PRKN: variants seen among roughly 807,000 people sequenced by gnomAD.
The protein encoded by PRKN is parkin RBR E3 ubiquitin protein ligase, also known as E3 ubiquitin-protein ligase parkin.
PRKN carries 56 observed loss-of-function variants against 59.5 expected under a neutral mutation model. The ratio of observed to expected loss-of-function variants is 0.94; its 90% CI spans 0.76 to 1.18. The LOEUF (loss-of-function observed/expected upper bound fraction) is 1.18. PRKN is among the 50% of genes most tolerant of loss of function. PRKN has a pLI of 0.00. For synonymous variants in PRKN, 250 were observed against 222.1 expected, an observed-to-expected ratio of 1.13 and a Z score of -1.12; for missense variants, 657 against 596.4, an observed-to-expected ratio of 1.10 and a Z score of -1.06.
chr6:161,865,032 T>C (rs1216963364), intron 6 of PRKN, among the ~76,000 whole-genome samples: 2 of 152,152 alleles, frequency 1.3e-5, no homozygotes, highest in African/African-American at 4.8e-5. Flanking sequence ...TTGCAATTCT[T>C]AGAAGTCAAA....
At position 161,547,876 on chromosome 6, in the gene PRKN, C is replaced by CACTT. The variant is rs1391605370; in HGVS notation, c.1083+974_1083+977dup. ...TGGTATCTCATTATTTTTCAACTTC[C>CACTT]ACTTCCTCTACTCCATTGCTCAACC... On this transcript the variant is annotated intron_variant, in intron 9 of 11. Coordinates refer to ENST00000366898, the MANE Select transcript of PRKN (RefSeq NM_004562.3). The surrounding 1 kb of genome is among the most constrained non-coding windows in gnomAD (Gnocchi z 4.0). 6.6e-6 allele frequency among the ~76,000 whole-genome samples: 1 copy of CACTT among 152,084 alleles called. No individual in the cohort carries two copies. Among genetic ancestry groups the CACTT allele is most frequent in the African/African-American group, 2.4e-5 (1 of 41,390 alleles).
At chr6:162,293,578 A>G (rs1781533482) in intron 2 of PRKN, among the ~76,000 whole-genome samples, 1 of 152,122 alleles carries the variant, frequency 6.6e-6, no homozygotes, top group African/African-American at 2.4e-5. Context: ...CCCCACCTCC[A>G]CTTTTTCGAG....
At chr6:161,925,006 G>A (rs1778914351) in intron 6 of PRKN, among the ~76,000 whole-genome samples, 1 of 152,138 alleles carries the variant, frequency 6.6e-6, no homozygotes, top group Admixed American at 6.5e-5. Context: ...CAAATGTTAA[G>A]ACTTGCTGGG....
chr6:161,605,167 A>G (rs564999188), intron 7 of PRKN, among the ~76,000 whole-genome samples: 1 of 152,318 alleles, frequency 6.6e-6, no homozygotes, highest in South Asian at 2.1e-4. Context: ...TAATTTTTCA[A>G]AGGATCTGTG....
chr6:162,251,643 ACTG>A (rs745495493), intron 3 of PRKN, among the ~76,000 whole-genome samples: 8 of 152,330 alleles, frequency 5.3e-5, no homozygotes, highest in Non-Finnish European at 8.8e-5. Context: ...ACAAGAAGAA[ACTG>A]CTATTAAATC....
intron 7 of PRKN, among the ~76,000 whole-genome samples, chr6:161,701,965 C>T (rs907016832): frequency 9.2e-5 from 14 of 152,166 alleles, no homozygotes; most frequent in African/African-American, 2.9e-4. Context: ...GGGCCAGCCA[C>T]GGAAGTAGTG....
rs887892386 is a variant in PRKN, at chr6:161,467,906, CT to C, written c.1083+80947del. Among the ~76,000 whole-genome samples, 11 of 149,376 alleles carry C rather than the reference CT, an allele frequency of 7.4e-5. No individual in the cohort carries two copies. The highest frequency in any genetic ancestry group is 4.3e-4 in the South Asian group (2 of 4,678). On this transcript the variant is annotated intron_variant, in intron 9 of 11. Coordinates refer to ENST00000366898, the MANE Select transcript of PRKN (RefSeq NM_004562.3). The surrounding 1 kb of genome is among the most constrained non-coding windows in gnomAD (Gnocchi z 4.3). ...CTGTCCGTCAGTTGCATACTTCCAGCTTTTTTTTTTCATGTGAGAAAGAGTA... is the reference window on the plus strand; with the variant it reads ...CTGTCCGTCAGTTGCATACTTCCAGCTTTTTTTTTCATGTGAGAAAGAGTA...
intron 7 of PRKN, among the ~76,000 whole-genome samples, chr6:161,614,697 A>C (rs534254520): frequency 7.9e-5 from 12 of 152,260 alleles, no homozygotes; most frequent in Non-Finnish European, 1.5e-4. Context: ...CTAGTTTTAT[A>C]AAAACAAATC....
rs186843277 is a variant in PRKN, at chr6:161,777,729, A to G, written c.871+8043T>C. On this transcript the variant is annotated intron_variant, in intron 7 of 11. Transcript: ENST00000366898. ...TAAGAGATATTTTATATACATATAT[A>G]TCTATATATGTATATATAGATATAT... Among the ~76,000 whole-genome samples, 531 of 142,536 alleles carry G rather than the reference A, an allele frequency of 3.7e-3. 12 individuals carry two copies. Among genetic ancestry groups the G allele is most frequent in the Admixed American group, 0.036 (492 of 13,854 alleles). 93.5% of individuals were successfully genotyped at this position (142,536 alleles called of 152,430 possible).
chr6:162,463,508 T>C (rs1182978141), intron 1 of PRKN, among the ~76,000 whole-genome samples: 1 of 152,150 alleles, frequency 6.6e-6, no homozygotes, highest in Non-Finnish European at 1.5e-5. Context: ...CAGAAGTGCT[T>C]CCTGTCTGTC....
chr6:161,602,635 C>T (rs557354273), intron 7 of PRKN, among the ~76,000 whole-genome samples: 33 of 152,284 alleles, frequency 2.2e-4, no homozygotes, highest in Admixed American at 7.8e-4. Context: ...AATAATCAGC[C>T]ATCTCCAGCA....
In PRKN at chr6:161,743,449, C is replaced by T. The variant is rs537152810; in HGVS notation, c.871+42323G>A. Among the ~76,000 whole-genome samples the T allele has an allele frequency of 1.4e-4, 21 of 151,244 alleles. No individual in the cohort carries two copies. The East Asian group carries it at 1.8e-3, about 13-fold the overall frequency. On this transcript the variant is annotated intron_variant, in intron 7 of 11. Coordinates refer to ENST00000366898, the MANE Select transcript of PRKN (RefSeq NM_004562.3). ...TATTTTTAGTAGAGATGGGGTTTCA[C>T]CACGTTAGCCAGAATGGTCTCGATC...
intron 1 of PRKN, among the ~76,000 whole-genome samples, chr6:162,586,244 G>A (rs1004631441): frequency 3.3e-5 from 5 of 152,272 alleles, no homozygotes; most frequent in Admixed American, 2.6e-4. Context: ...ATAATGCAAC[G>A]TACCTCCTTC....
At chr6:162,100,174 A>G (rs1779908407) in intron 4 of PRKN, among the ~76,000 whole-genome samples, 1 of 152,146 alleles carries the variant, frequency 6.6e-6, no homozygotes, top group African/African-American at 2.4e-5. Context: ...TTATTCATTC[A>G]TCAGTCAATG....
intron 1 of PRKN, among the ~76,000 whole-genome samples, chr6:162,674,205 A>G (rs531659597): frequency 7.2e-5 from 11 of 152,340 alleles, no homozygotes; most frequent in Admixed American, 7.2e-4. Flanking sequence ...TTGAGACTAA[A>G]TATTTATTTT....
chr6:161,798,426 C>A (rs1246345128), intron 6 of PRKN, among the ~76,000 whole-genome samples: 7 of 152,166 alleles, frequency 4.6e-5, no homozygotes, highest in African/African-American at 1.7e-4. Context: ...CCTGTGACAT[C>A]AGCAGGTTAG....
At chr6:162,258,180 C>T (rs1779735044) in intron 3 of PRKN, among the ~76,000 whole-genome samples, 1 of 152,190 alleles carries the variant, frequency 6.6e-6, no homozygotes. Context: ...CTCTTTGTCC[C>T]CTTGACTCTG....
At chr6:162,167,144 T>C (rs1783025346) in intron 4 of PRKN, among the ~76,000 whole-genome samples, 1 of 152,194 alleles carries the variant, frequency 6.6e-6, no homozygotes, top group Non-Finnish European at 1.5e-5. Context: ...TAGAATTCCA[T>C]TTTCGCATTG....
intron 1 of PRKN, among the ~76,000 whole-genome samples, chr6:162,511,711 C>T (rs968683468): frequency 6.6e-6 from 1 of 152,186 alleles, no homozygotes; most frequent in Non-Finnish European, 1.5e-5. Context: ...TAAAGACCAC[C>T]ATCTCATTCT....
Sources: gnomAD v4.1 joint callset for allele counts (sites outside exome capture counted in the v4.1 genomes callset) on GRCh38, gnomAD v4.1.1 for gene constraint, Gnocchi (gnomAD v3.1) non-coding constraint, MANE v1.5 for transcripts, NCBI Gene and HGNC (gene_info 2026-07-23, HGNC 2026-07-21) for gene names.